The following TTC29 variants were observed in gnomAD, a reference collection of about 807,000 sequenced individuals.
TTC29 encodes the protein tetratricopeptide repeat domain 29, also known as tetratricopeptide repeat protein 29.
TTC29 carries 49 observed loss-of-function variants against 58.1 expected under a neutral mutation model. That is an observed-to-expected ratio of 0.84 (90% confidence interval 0.67 to 1.07). The LOEUF is 1.07. TTC29 is among the 50% of genes least tolerant of loss of function. TTC29 has a pLI of 0.00. For missense variants in TTC29, 582 were observed against 555.6 expected (o/e 1.05, Z -0.48); for synonymous variants, 209 against 196.8 (o/e 1.06, Z -0.52).
intron 11 of TTC29, among the ~76,000 whole-genome samples, chr4:146,715,335 C>T (rs1742850084): frequency 1.3e-5 from 2 of 152,092 alleles, no homozygotes; most frequent in South Asian, 4.2e-4. Context: ...GCACTATCTA[C>T]AATAGGTAAG....
rs1742222572 is a variant in TTC29, at chr4:146,708,414, T to C, written c.1331-863A>G. ...TATATAAACATATATATATAAAAAC[T>C]TCCCACATTGACTTCATTATTATGA... On this transcript the variant is annotated intron_variant, in intron 11 of 12. Coordinates refer to ENST00000325106, the MANE Select transcript of TTC29 (RefSeq NM_031956.4). Among the ~76,000 whole-genome samples the C allele has an allele frequency of 2.1e-5, 3 of 145,166 alleles. No individual in the cohort carries two copies. The South Asian group carries it at 6.5e-4, about 31-fold the overall frequency.
rs551766580 is a variant in TTC29 at position 146,876,932 on chromosome 4, C to G, written c.587-2004G>C. Among the ~76,000 whole-genome samples, 488 of 110,154 alleles carry G rather than the reference C, an allele frequency of 4.4e-3. 6 individuals are homozygous for G. The highest frequency in any genetic ancestry group is 0.015 in the African/African-American group (453 of 30,886). 72.3% of individuals were successfully genotyped at this position (110,154 alleles called of 152,430 possible). ...GCCTGTCAACAGAGCAAGACTCCAT[C>G]TCAAAAAAAAAAAAAAAAAAAAGCA... On this transcript the variant is annotated intron_variant, in intron 6 of 12. Transcript: ENST00000325106.
At chr4:146,827,072 T>G (rs909346587) in intron 9 of TTC29, among the ~76,000 whole-genome samples, 1 of 152,118 alleles carries the variant, frequency 6.6e-6, no homozygotes, top group Non-Finnish European at 1.5e-5. Flanking sequence ...TCGTAGTTTT[T>G]TATTACCTAT....
At chr4:146,746,960 A>G (rs1745592595) in intron 11 of TTC29, among the ~76,000 whole-genome samples, 2 of 152,208 alleles carry the variant, frequency 1.3e-5, no homozygotes, top group South Asian at 4.1e-4. Context: ...TGTAGAACAC[A>G]GAAACCTAAG....
intron 11 of TTC29, among the ~76,000 whole-genome samples, chr4:146,770,599 AC>A (rs1397377024): frequency 2.0e-5 from 3 of 152,028 alleles, no homozygotes; most frequent in Non-Finnish European, 2.9e-5. Flanking sequence ...ATAAGAGATA[AC>A]ATTCTCCCAA....
intron 11 of TTC29, among the ~76,000 whole-genome samples, chr4:146,738,059 T>C (rs1445981323): frequency 6.6e-6 from 1 of 152,194 alleles, no homozygotes; most frequent in African/African-American, 2.4e-5. Context: ...AGCTCACTAG[T>C]TCAGAACCTA....
intron 4 of TTC29, among the ~76,000 whole-genome samples, chr4:146,922,435 A>C (rs1173364548): frequency 6.6e-6 from 1 of 151,656 alleles, no homozygotes; most frequent in Non-Finnish European, 1.5e-5. Context: ...ACCAAGAAAA[A>C]CAAAAACAGA....
At chr4:146,903,811 G>T in intron 5 of TTC29, 82 bp from the exon 6 acceptor site, 1 of 1,022,608 alleles carries the variant, frequency 9.8e-7, no homozygotes, top group South Asian at 3.9e-5. Flanking sequence ...CCAATATCAT[G>T]ACTTCCTATT....
intron 5 of TTC29, among the ~76,000 whole-genome samples, chr4:146,905,713 TA>T (rs1455864215): frequency 6.6e-6 from 1 of 152,164 alleles, no homozygotes; most frequent in Non-Finnish European, 1.5e-5. Context: ...TTATGCTCCT[TA>T]AAAAGAAGAT....
At chr4:146,779,297 T>C (rs1276185592) in intron 11 of TTC29, among the ~76,000 whole-genome samples, 1 of 152,140 alleles carries the variant, frequency 6.6e-6, no homozygotes, top group African/African-American at 2.4e-5. Flanking sequence ...TCCCATTTCT[T>C]TTATAATTTG....
intron 12 of TTC29, 49 bp downstream of exon 12, chr4:146,707,436 T>C (rs1282853317): frequency 7.6e-7 from 1 of 1,323,080 alleles, no homozygotes; most frequent in South Asian, 1.2e-5. Flanking sequence ...GCTTAGTATA[T>C]TGCGCAAAGT....
Position 146,781,514 on chromosome 4 carries a change from C to T in TTC29, c.1330+21943G>A, listed in dbSNP as rs527429151. ...ATAATTTTATAGTGTAAGATTAAAACCTTGAAATATACATGACAAATCAGT... is the reference window on the plus strand; with the variant it reads ...ATAATTTTATAGTGTAAGATTAAAATCTTGAAATATACATGACAAATCAGT... On this transcript the variant is annotated intron_variant, in intron 11 of 12. Transcript: ENST00000325106. 6.6e-5 allele frequency among the ~76,000 whole-genome samples: 10 copies of T among 151,856 alleles called. No homozygotes were observed. The East Asian group carries it at 1.9e-3, about 29-fold the overall frequency.
chr4:146,753,237 C>T (rs1217901346), intron 11 of TTC29, among the ~76,000 whole-genome samples: 2 of 152,060 alleles, frequency 1.3e-5, no homozygotes, highest in African/African-American at 2.4e-5. Context: ...AAAAAGTGGG[C>T]AAAGGATATG....
At chr4:146,912,637 T>C (rs553301944) in intron 4 of TTC29, among the ~76,000 whole-genome samples, 27 of 152,158 alleles carry the variant, frequency 1.8e-4, no homozygotes, top group Admixed American at 1.7e-3. Context: ...GGAATTAAAA[T>C]TAAGTTATAA....
At chr4:146,798,526 C>T (rs192554561) in intron 11 of TTC29, among the ~76,000 whole-genome samples, 1 of 151,810 alleles carries the variant, frequency 6.6e-6, no homozygotes, top group African/African-American at 2.4e-5. Context: ...TCACAGAAGC[C>T]GATGTTTGTG....
chr4:146,850,697 T>C (rs564892975), intron 8 of TTC29, among the ~76,000 whole-genome samples: 1 of 152,344 alleles, frequency 6.6e-6, no homozygotes, highest in East Asian at 1.9e-4. Context: ...CCCATTCCTA[T>C]GTAACATATT....
chr4:146,943,073 G>T (rs1183433343), intron 2 of TTC29: 2 of 150,130 alleles, frequency 1.3e-5, no homozygotes, highest in Non-Finnish European at 2.9e-5. Flanking sequence ...TGAGTTCGAT[G>T]ATTTTTGTTA....
At position 146,803,542 on chromosome 4, in the gene TTC29, A is replaced by T; in HGVS notation, c.1245T>A (p.Tyr415Ter). 6.2e-7 allele frequency: 1 copy of T among 1,603,654 alleles called. No individual in the cohort carries two copies. Among genetic ancestry groups the T allele is most frequent in the African/African-American group, 1.3e-5 (1 of 74,982 alleles). Reference protein sequence around the residue: ...AHQMMLTVNNYIESADLTSLN... With the variant: ...AHQMMLTVNN ...GGCTGGTGAGATCTGCAGACTCTAT[A>T]TAGTTGTTCACTGTAAGCATCATCT... The change falls in exon 11 of 13, where the codon TAT becomes TAA. Residue 415 changes from tyrosine (Y) to a stop codon, truncating the protein, a stop_gained. Coordinates refer to ENST00000325106, the MANE Select transcript of TTC29 (RefSeq NM_031956.4). LOFTEE classifies it high-confidence loss of function.
chr4:146,752,426 T>A (rs1746080220), intron 11 of TTC29, among the ~76,000 whole-genome samples: 1 of 149,454 alleles, frequency 6.7e-6, no homozygotes, highest in Non-Finnish European at 1.5e-5. Context: ...GGAAGAACAT[T>A]CCATGCTTAT....
Sources: gnomAD v4.1 joint callset for allele counts (sites outside exome capture counted in the v4.1 genomes callset) on GRCh38, gnomAD v4.1.1 for gene constraint, MANE v1.5 for transcripts, NCBI Gene and HGNC (gene_info 2026-07-23, HGNC 2026-07-21) for gene names.